ARB2A: variants seen among roughly 807,000 people sequenced by gnomAD.
The protein encoded by ARB2A is cotranscriptional regulator ARB2A.
the ARB2A span, among the ~76,000 whole-genome samples, chr5:93,729,870 T>C: frequency 1.3e-5 from 2 of 150,730 alleles, no homozygotes; most frequent in East Asian, 3.9e-4. Context: ...AAACAATAAT[T>C]AAAAAATCTA....
At chr5:93,638,096 T>G in the ARB2A span, among the ~76,000 whole-genome samples, 1 of 152,254 alleles carries the variant, frequency 6.6e-6, no homozygotes, top group East Asian at 1.9e-4. Context: ...GAGAGGACAA[T>G]TGGAAAGTCA....
chr5:93,705,639 GTGTGTGTGTGTGTA>G, the ARB2A span, among the ~76,000 whole-genome samples: 6 of 147,278 alleles, frequency 4.1e-5, no homozygotes, highest in Middle Eastern at 3.5e-3. Flanking sequence ...GTGTGTGTGT[GTGTGTGTGTGTGTA>G]TATATATATA....
the ARB2A span, among the ~76,000 whole-genome samples, chr5:93,966,332 A>G: frequency 1.6e-4 from 24 of 152,120 alleles, no homozygotes; most frequent in African/African-American, 5.6e-4. Context: ...CTGAGAATTA[A>G]AAAATTAAAT....
chr5:94,110,132 G>T, the ARB2A span, among the ~76,000 whole-genome samples: 1 of 151,998 alleles, frequency 6.6e-6, no homozygotes, highest in East Asian at 1.9e-4. Flanking sequence ...CAATCCGTCC[G>T]CCTCGGCCTC....
the ARB2A span, among the ~76,000 whole-genome samples, chr5:93,661,656 TAAA>T: frequency 0.17 from 25,246 of 150,826 alleles, 2,421 homozygotes; most frequent in Middle Eastern, 0.24. Flanking sequence ...GCTGATCAGC[TAAA>T]AAAAAAAAAT....
the ARB2A span, among the ~76,000 whole-genome samples, chr5:94,028,398 C>T: frequency 6.6e-5 from 10 of 152,178 alleles, no homozygotes; most frequent in Non-Finnish European, 1.5e-5. Context: ...TATTAACTGA[C>T]ATACCTCTTT....
At chr5:93,754,666 C>T in the ARB2A span, among the ~76,000 whole-genome samples, 1 of 151,674 alleles carries the variant, frequency 6.6e-6, no homozygotes, top group East Asian at 1.9e-4. Flanking sequence ...TTCCTTTCCT[C>T]TCACCCTGAC....
the ARB2A span, among the ~76,000 whole-genome samples, chr5:93,771,532 G>A: frequency 1.3e-5 from 2 of 151,906 alleles, no homozygotes; most frequent in Non-Finnish European, 2.9e-5. Flanking sequence ...TACAAAATGG[G>A]AGAAAATTTT....
the ARB2A span, among the ~76,000 whole-genome samples, chr5:93,791,843 C>T: frequency 1.3e-5 from 2 of 152,082 alleles, no homozygotes; most frequent in African/African-American, 2.4e-5. Context: ...GCAGTAATAA[C>T]TTCCTTTTCC....
At chr5:93,818,547 G>A in the ARB2A span, among the ~76,000 whole-genome samples, 5 of 152,172 alleles carry the variant, frequency 3.3e-5, no homozygotes, top group Non-Finnish European at 5.9e-5. Flanking sequence ...AAGCTGAACC[G>A]ATTGGGGATG....
chr5:93,857,010 C>T, the ARB2A span, among the ~76,000 whole-genome samples: 3 of 152,278 alleles, frequency 2.0e-5, no homozygotes, highest in South Asian at 6.2e-4. Flanking sequence ...AGACAGGACC[C>T]TCAGCTGCAG....
the ARB2A span, chr5:94,074,716 T>G: frequency 1.2e-6 from 2 of 1,612,934 alleles, no homozygotes; most frequent in Non-Finnish European, 1.7e-6. Flanking sequence ...TTATCCAAAT[T>G]GGCAACAAAA....
chr5:93,832,758 C>CT, the ARB2A span, among the ~76,000 whole-genome samples: 1 of 151,924 alleles, frequency 6.6e-6, no homozygotes, highest in Non-Finnish European at 1.5e-5. Context: ...TCCAATTCTA[C>CT]TTTTTTTTAC....
the ARB2A span, among the ~76,000 whole-genome samples, chr5:93,976,483 C>T: frequency 2.6e-5 from 4 of 152,142 alleles, no homozygotes; most frequent in Non-Finnish European, 5.9e-5. Flanking sequence ...AATCTCATCT[C>T]GAATTGTAAT....
At chr5:93,688,774 C>T in the ARB2A span, among the ~76,000 whole-genome samples, 2 of 152,090 alleles carry the variant, frequency 1.3e-5, no homozygotes, top group Non-Finnish European at 2.9e-5. Context: ...AAACCAAAAG[C>T]CTGGACACCA....
the ARB2A span, among the ~76,000 whole-genome samples, chr5:94,059,730 G>A: frequency 6.6e-6 from 1 of 150,796 alleles, no homozygotes; most frequent in African/African-American, 2.4e-5. Context: ...AGACAATGGT[G>A]CAACATTTTT....
the ARB2A span, among the ~76,000 whole-genome samples, chr5:93,670,970 A>AG: frequency 2.2e-3 from 335 of 152,304 alleles, 1 homozygote; most frequent in African/African-American, 7.7e-3. Context: ...ATAATAGACT[A>AG]GTCTGTCTCC....
the ARB2A span, among the ~76,000 whole-genome samples, chr5:93,857,907 T>G: frequency 1.3e-5 from 2 of 152,358 alleles, no homozygotes; most frequent in East Asian, 3.9e-4. Context: ...AGACTGGAGC[T>G]GTTCCTATTC....
the ARB2A span, among the ~76,000 whole-genome samples, chr5:94,096,690 A>C: frequency 6.6e-6 from 1 of 152,340 alleles, no homozygotes; most frequent in Admixed American, 6.5e-5. Context: ...CACGATGGCC[A>C]GCTAAAAGGA....
Sources: allele counts gnomAD v4.1 joint callset (sites outside exome capture counted in the v4.1 genomes callset), GRCh38; gene constraint gnomAD v4.1.1; transcripts MANE v1.5; gene names NCBI Gene and HGNC (gene_info 2026-07-23, HGNC 2026-07-21).